PHACTR1: variants seen among roughly 807,000 people sequenced by gnomAD.
The protein encoded by PHACTR1 is phosphatase and actin regulator 1.
PHACTR1 carries 16 observed loss-of-function variants against 69.2 expected under a neutral mutation model. That is an observed-to-expected ratio of 0.23 (90% confidence interval 0.16 to 0.35). The LOEUF (loss-of-function observed/expected upper bound fraction) is 0.35. PHACTR1 is among the 10% of genes least tolerant of loss of function. The pLI is 1.00. For synonymous variants in PHACTR1, 312 were observed against 284.5 expected (o/e 1.10, Z -0.97); for missense variants, 510 against 734.7 (o/e 0.69, Z 3.54).
rs866235034 is a variant in PHACTR1, at chr6:12,954,887, A to G, written c.251-98478A>G. On this transcript the variant is annotated intron_variant, in intron 4 of 14. Transcript: ENST00000332995. ...TAAATTCTAACCTCAAAATGGCCAT[A>G]TATAATCCAGGGCTTGGCCATCTAA... is the stretch of plus-strand genomic sequence containing the variant. Among the ~76,000 whole-genome samples the G allele has an allele frequency of 7.2e-5, 11 of 152,324 alleles. No individual in the cohort carries two copies. The East Asian group carries it at 7.7e-4, about 11-fold the overall frequency.
intron 5 of PHACTR1, among the ~76,000 whole-genome samples, chr6:13,118,090 G>A (rs906869297): frequency 2.0e-5 from 3 of 152,198 alleles, no homozygotes; most frequent in Admixed American, 1.3e-4. Context: ...TGTTTCTACC[G>A]ATGAATTAAA....
intron 7 of PHACTR1, among the ~76,000 whole-genome samples, chr6:13,192,364 A>C (rs1416762975): frequency 1.3e-5 from 2 of 152,218 alleles, no homozygotes; most frequent in Non-Finnish European, 2.9e-5. Flanking sequence ...TGCAAAGGAC[A>C]CACAGGCACG....
rs192460138 is a variant in PHACTR1 at position 13,204,462 on chromosome 6, A to G, written c.665-1353A>G. Among the ~76,000 whole-genome samples, 120 of 152,216 alleles carry G rather than the reference A, an allele frequency of 7.9e-4. 1 individual carries two copies. Among genetic ancestry groups the G allele is most frequent in the Non-Finnish European group, 1.6e-3 (111 of 67,998 alleles). ...GACCATGCTTCTCCCAGGCAAGCCT[A>G]CAACCCACAGGGTTCAACCAGGTTC... On this transcript the variant is annotated intron_variant, in intron 7 of 14. Coordinates refer to ENST00000332995, the MANE Select transcript of PHACTR1 (RefSeq NM_030948.6).
At chr6:12,983,816 G>A (rs528330640) in intron 4 of PHACTR1, among the ~76,000 whole-genome samples, 5 of 152,200 alleles carry the variant, frequency 3.3e-5, no homozygotes, top group South Asian at 2.1e-4. Flanking sequence ...CTGTCCTTGC[G>A]ATAGTTTGCT....
In PHACTR1 at chr6:13,149,351, C is replaced by T. The variant is rs139026596; in HGVS notation, c.416-10853C>T. ...CAGTGTGCTAATGAACATGGTGATTCTCCAGCAGTACATGGCATTTCCCAA... is the reference window on the plus strand; with the variant it reads ...CAGTGTGCTAATGAACATGGTGATTTTCCAGCAGTACATGGCATTTCCCAA... On this transcript the variant is annotated intron_variant, in intron 5 of 14. Coordinates refer to ENST00000332995, the MANE Select transcript of PHACTR1 (RefSeq NM_030948.6). Among the ~76,000 whole-genome samples the T allele has an allele frequency of 2.0e-3, 302 of 152,246 alleles. 3 individuals are homozygous for T. The highest frequency in any genetic ancestry group is 7.1e-3 in the African/African-American group (294 of 41,540).
chr6:12,945,382 A>G (rs1016004925), intron 4 of PHACTR1, among the ~76,000 whole-genome samples: 19 of 152,210 alleles, frequency 1.2e-4, no homozygotes, highest in African/African-American at 3.6e-4. Context: ...TGTAAGTTTC[A>G]TGAAAGCAGG....
At chr6:13,175,814 C>T (rs986938853) in intron 6 of PHACTR1, among the ~76,000 whole-genome samples, 1 of 152,082 alleles carries the variant, frequency 6.6e-6, no homozygotes, top group African/African-American at 2.4e-5. Flanking sequence ...AATGGGAGAT[C>T]GAAGTAGGGG....
intron 10 of PHACTR1, among the ~76,000 whole-genome samples, chr6:13,244,721 G>C (rs1200488665): frequency 1.3e-5 from 2 of 152,184 alleles, no homozygotes; most frequent in African/African-American, 4.8e-5. Flanking sequence ...AACAATTGCT[G>C]TTATCCTGTT....
chr6:12,925,797 T>G (rs1294225881), intron 4 of PHACTR1, among the ~76,000 whole-genome samples: 1 of 152,078 alleles, frequency 6.6e-6, no homozygotes, highest in South Asian at 2.1e-4. Context: ...GAGCTCCCAT[T>G]TCTCTGCTCC....
intron 4 of PHACTR1, among the ~76,000 whole-genome samples, chr6:13,048,237 C>T (rs1805381986): frequency 1.3e-5 from 2 of 152,194 alleles, no homozygotes; most frequent in African/African-American, 4.8e-5. Flanking sequence ...AGCTCAGCTG[C>T]CCAGCTTCCA....
chr6:13,282,627 C>T (rs1780531258), intron 12 of PHACTR1, among the ~76,000 whole-genome samples: 1 of 152,202 alleles, frequency 6.6e-6, no homozygotes, highest in African/African-American at 2.4e-5. Flanking sequence ...AGATTCCCAT[C>T]CCTGCATACC....
At chr6:13,132,391 C>G (rs1435434975) in intron 5 of PHACTR1, among the ~76,000 whole-genome samples, 1 of 152,190 alleles carries the variant, frequency 6.6e-6, no homozygotes, top group Non-Finnish European at 1.5e-5. Flanking sequence ...TCAGCTTTCT[C>G]TAGAGACTGT....
intron 4 of PHACTR1, among the ~76,000 whole-genome samples, chr6:12,837,167 CT>C (rs1778252275): frequency 6.6e-6 from 1 of 152,116 alleles, no homozygotes; most frequent in Non-Finnish European, 1.5e-5. Flanking sequence ...ATAATAGTGT[CT>C]TTGCAGATTT....
chr6:13,088,124 C>T (rs1023801846), intron 5 of PHACTR1, among the ~76,000 whole-genome samples: 4 of 152,080 alleles, frequency 2.6e-5, no homozygotes, highest in African/African-American at 4.8e-5. Context: ...AATTCCCGCA[C>T]AGAGAGTGCA....
At chr6:13,000,143 C>T (rs1343872950) in intron 4 of PHACTR1, among the ~76,000 whole-genome samples, 2 of 152,132 alleles carry the variant, frequency 1.3e-5, no homozygotes, top group East Asian at 1.9e-4. Context: ...AAGAAAGAGG[C>T]TCCAGAAAGA....
Position 12,917,680 on chromosome 6 carries a change from A to G in PHACTR1, c.251-135685A>G, listed in dbSNP as rs144632142. ...AGAGGTAGGAGGTTTGCTTGAGCCCAGGAGTTTGAGATTACAGTGAATTAC... is the reference window on the plus strand; with the variant it reads ...AGAGGTAGGAGGTTTGCTTGAGCCCGGGAGTTTGAGATTACAGTGAATTAC... On this transcript the variant is annotated intron_variant, in intron 4 of 14. Coordinates refer to ENST00000332995, the MANE Select transcript of PHACTR1 (RefSeq NM_030948.6). Among the ~76,000 whole-genome samples, 468 of 152,308 alleles carry G rather than the reference A, an allele frequency of 3.1e-3. 1 individual carries two copies. The highest frequency in any genetic ancestry group is 0.014 in the Middle Eastern group (4 of 294).
intron 10 of PHACTR1, among the ~76,000 whole-genome samples, chr6:13,250,373 T>G (rs926208201): frequency 6.6e-6 from 1 of 152,226 alleles, no homozygotes; most frequent in Non-Finnish European, 1.5e-5. Flanking sequence ...CCATTTACCT[T>G]TACTTCTTAG....
chr6:12,971,209 T>C (rs1019781944), intron 4 of PHACTR1, among the ~76,000 whole-genome samples: 1 of 152,188 alleles, frequency 6.6e-6, no homozygotes, highest in Non-Finnish European at 1.5e-5. Context: ...GGGTCCCTCT[T>C]GTTTGTTTCT....
chr6:12,798,060 A>ACACACACACACACACACACACACC (rs1773267335), intron 4 of PHACTR1, among the ~76,000 whole-genome samples: 1 of 151,590 alleles, frequency 6.6e-6, no homozygotes, highest in Non-Finnish European at 1.5e-5. Context: ...ACACACACAC[A>ACACACACACACACACACACACACC]CACACACACC....
Sources: allele counts gnomAD v4.1 joint callset (sites outside exome capture counted in the v4.1 genomes callset), GRCh38; gene constraint gnomAD v4.1.1; transcripts MANE v1.5; gene names NCBI Gene and HGNC (gene_info 2026-07-23, HGNC 2026-07-21).